The following DDX60 variants were observed in gnomAD, a reference collection of about 807,000 sequenced individuals.
The protein encoded by DDX60 is probable ATP-dependent RNA helicase DDX60.
DDX60 carries 165 observed loss-of-function variants against 212.8 expected under a neutral mutation model. That is an observed-to-expected ratio of 0.78 (90% CI 0.68 to 0.88). DDX60 has a LOEUF of 0.88. DDX60 is among the 40% of genes least tolerant of loss of function. DDX60 has a pLI of 0.00. For missense variants in DDX60, 1,905 were observed against 2,003.9 expected, an observed-to-expected ratio of 0.95 and a Z score of 0.94; for synonymous variants, 703 against 685.3, an observed-to-expected ratio of 1.03 and a Z score of -0.40.
chr4:168,232,913 T>G (rs538354117), intron 33 of DDX60, among the ~76,000 whole-genome samples: 135 of 150,614 alleles, frequency 9.0e-4, no homozygotes, highest in Non-Finnish European at 1.6e-3. Flanking sequence ...ATCAGCAGAG[T>G]AAACAGACAG....
In DDX60 at chr4:168,266,735, A is replaced by G. The variant is rs372008700; in HGVS notation, c.3039+847T>C. 3.9e-5 allele frequency among the ~76,000 whole-genome samples: 6 copies of G among 152,202 alleles called. No homozygotes were observed. The East Asian group carries it at 7.7e-4, about 20-fold the overall frequency. Reference sequence around the variant, plus strand: ...TGGTTGTCAAGCTAAGGAGGTATGCATTTAGCTTTTTCCAAAAGAAAGTCA... The same window carrying G: ...TGGTTGTCAAGCTAAGGAGGTATGCGTTTAGCTTTTTCCAAAAGAAAGTCA... On this transcript the variant is annotated intron_variant, in intron 22 of 37. Transcript: ENST00000393743.
chr4:168,316,808 C>A (rs79813981), intron 1 of DDX60, among the ~76,000 whole-genome samples: 2,622 of 151,694 alleles, frequency 0.017, 26 homozygotes, highest in Non-Finnish European at 0.027. Context: ...AAAAGAAACC[C>A]AAAACTTGGG....
Position 168,268,920 on chromosome 4 carries a change from A to T in DDX60, c.2720T>A (p.Leu907His). 6.3e-7 allele frequency: 1 copy of T among 1,598,516 alleles called. No individual in the cohort carries two copies. Among genetic ancestry groups the T allele is most frequent in the Non-Finnish European group, 8.5e-7 (1 of 1,169,946 alleles). ...CAAAAAGGGACATCGGATCATGACAAGGAGATGTTCCCAGATTTCTGCTCC... is the reference window on the plus strand; with the variant it reads ...CAAAAAGGGACATCGGATCATGACATGGAGATGTTCCCAGATTTCTGCTCC... Reference protein sequence around the residue: ...EIGAEIWEHLLVMIRCPFLAL... With the variant: ...EIGAEIWEHLHVMIRCPFLAL... The change falls in exon 20 of 38, where the codon CTT becomes CAT. Residue 907 changes from leucine to histidine, a missense_variant. Physicochemically the swap from Leu to His is moderately conservative, Grantham distance 99. Transcript: ENST00000393743.
chr4:168,235,016 C>T lies in DDX60; in HGVS notation c.4533+1236G>A, dbSNP rs575667206. On this transcript the variant is annotated intron_variant, in intron 33 of 37. Coordinates refer to ENST00000393743, the MANE Select transcript of DDX60 (RefSeq NM_017631.6). Reference sequence around the variant, plus strand: ...AAGACTGCTAAAGATCCACCTTTTTCCTATAGCACTTCCTAACCTGCTGTT... The same window carrying T: ...AAGACTGCTAAAGATCCACCTTTTTTCTATAGCACTTCCTAACCTGCTGTT... Among the ~76,000 whole-genome samples the T allele has an allele frequency of 2.6e-5, 4 of 152,108 alleles. No homozygotes were observed. The South Asian group carries it at 8.3e-4, about 32-fold the overall frequency.
intron 33 of DDX60, among the ~76,000 whole-genome samples, chr4:168,233,658 A>G (rs1220832369): frequency 6.6e-6 from 1 of 152,150 alleles, no homozygotes; most frequent in Non-Finnish European, 1.5e-5. Context: ...GAGCTAAGCT[A>G]TGAGGACACA....
intron 33 of DDX60, 83 bp from the exon 34 acceptor site, chr4:168,225,759 C>CA: frequency 7.9e-7 from 1 of 1,270,454 alleles, no homozygotes; most frequent in Admixed American, 2.4e-5. Context: ...AGGTAAAGAA[C>CA]ATTGCAATAT....
chr4:168,216,963 T>C lies in DDX60; in HGVS notation c.5109A>G (p.Thr1703=). The change falls in exon 38 of 38, where the codon ACA becomes ACG. Residue 1703 remains threonine (T), a synonymous_variant. Transcript: ENST00000393743. ...CTTTGTTTAACTTTTCCCAAAAAGT[T>C]GTACTCAGTTGTTCAAAGGCTAAGA... ...NVVLAFEQLS[T]TFWEKLNKV 2 of 1,603,556 alleles carry C rather than the reference T, an allele frequency of 1.2e-6. No individual in the cohort carries two copies. The highest frequency in any genetic ancestry group is 1.3e-5 in the African/African-American group (1 of 74,322).
Position 168,293,921 on chromosome 4 carries a change from TAAGCAGAGA to T in DDX60, c.739_747del (p.Ser247_Leu249del), listed in dbSNP as rs1360395168. 4.3e-6 allele frequency: 7 copies of T among 1,613,134 alleles called. No individual in the cohort carries two copies. The African/African-American group carries it at 8.0e-5, about 18-fold the overall frequency. The stretch of plus-strand genomic sequence containing the variant: ...TCAGATCCTTCTGGCCAGACTTGTG[TAAGCAGAGA>T]TACAGTCTTGTGTGCCTGTCAAAGA... On this transcript the variant is annotated inframe_deletion, in exon 7 of 38. Transcript: ENST00000393743.
chr4:168,273,248 G>A, intron 18 of DDX60, 31 bp downstream of exon 18: 2 of 1,600,044 alleles, frequency 1.2e-6, no homozygotes, highest in Non-Finnish European at 1.7e-6. Flanking sequence ...TATATAATTT[G>A]ATAACACACT....
Position 168,260,999 on chromosome 4 carries a change from T to A in DDX60, c.3274-10A>T, listed in dbSNP as rs1030876317. ...GAAGTACCATTCTGGCCTGTAGTGGTGAATACAAAACAATTTTAAGTTCTG... is the reference window on the plus strand; with the variant it reads ...GAAGTACCATTCTGGCCTGTAGTGGAGAATACAAAACAATTTTAAGTTCTG... On this transcript the variant is annotated splice_polypyrimidine_tract_variant and intron_variant, in intron 24 of 37. Coordinates refer to ENST00000393743, the MANE Select transcript of DDX60 (RefSeq NM_017631.6). 6.3e-7 allele frequency: 1 copy of A among 1,592,110 alleles called. No homozygotes were observed. The highest frequency in any genetic ancestry group is 8.5e-7 in the Non-Finnish European group (1 of 1,174,384).
chr4:168,242,514 G>C (rs1220543606), intron 30 of DDX60, among the ~76,000 whole-genome samples: 2 of 152,202 alleles, frequency 1.3e-5, no homozygotes, highest in African/African-American at 4.8e-5. Flanking sequence ...GGAGTCAAAG[G>C]ATATCATTTT....
chr4:168,224,241 A>G lies in DDX60; in HGVS notation c.4824+2T>C. 6.2e-7 allele frequency: 1 copy of G among 1,612,032 alleles called. No individual in the cohort carries two copies. Among genetic ancestry groups the G allele is most frequent in the Non-Finnish European group, 8.5e-7 (1 of 1,178,666 alleles). On this transcript the variant is annotated splice_donor_variant, in intron 35 of 37. Coordinates refer to ENST00000393743, the MANE Select transcript of DDX60 (RefSeq NM_017631.6). LOFTEE classifies it high-confidence loss of function. ...TATTAATAAACCCCACTCTTCACTT[A>G]CATGGTTTGGAGTTTCTAGTCGAAG...
In DDX60 at chr4:168,311,085, G is replaced by A. The variant is rs1424299852; in HGVS notation, c.5-18C>T. The stretch of plus-strand genomic sequence containing the variant: ...ATTTCTTTCTAAATTTAAAAAAAAA[G>A]AGAGAAAGAGAATGGGTTATTTTTC... On this transcript the variant is annotated intron_variant, in intron 2 of 37. Coordinates refer to ENST00000393743, the MANE Select transcript of DDX60 (RefSeq NM_017631.6). 6.7e-7 allele frequency: 1 copy of A among 1,481,788 alleles called. No homozygotes were observed. The highest frequency in any genetic ancestry group is 9.3e-7 in the Non-Finnish European group (1 of 1,071,034). The allele number at this position is 1,481,788 out of a possible 1,614,324, so 91.8% of individuals were successfully genotyped here.
intron 1 of DDX60, among the ~76,000 whole-genome samples, chr4:168,312,226 T>C (rs985755261): frequency 9.9e-5 from 15 of 152,072 alleles, no homozygotes; most frequent in African/African-American, 3.6e-4. Context: ...GGCTGGGAAT[T>C]TTAGAACAAG....
At chr4:168,324,996 C>T in the DDX60 span, among the ~76,000 whole-genome samples, 11 of 152,224 alleles carry the variant, frequency 7.2e-5, no homozygotes, top group African/African-American at 2.4e-4. Context: ...TGGTGAAATA[C>T]ACACCGAACA....
intron 9 of DDX60, 46 bp downstream of exon 9, chr4:168,288,128 G>T: frequency 8.1e-7 from 1 of 1,239,810 alleles, no homozygotes; most frequent in Non-Finnish European, 1.1e-6. Flanking sequence ...TCCTTATAAA[G>T]TTTATCTGTG....
chr4:168,233,343 C>A (rs534758129), intron 33 of DDX60, among the ~76,000 whole-genome samples: 1 of 152,176 alleles, frequency 6.6e-6, no homozygotes, highest in South Asian at 2.1e-4. Context: ...TTTGATCCAG[C>A]AATCCCACTA....
intron 17 of DDX60, 52 bp downstream of exon 17, chr4:168,273,882 T>A (rs1735210827): frequency 1.3e-6 from 2 of 1,554,820 alleles, no homozygotes; most frequent in Non-Finnish European, 1.7e-6. Context: ...TCATTATTTT[T>A]AAATAGTAGG....
In DDX60 at chr4:168,287,139, T is replaced by C; in HGVS notation, c.1248A>G (p.Ser416=). 6.2e-7 allele frequency: 1 copy of C among 1,612,130 alleles called. No individual in the cohort carries two copies. Among genetic ancestry groups the C allele is most frequent in the African/African-American group, 1.3e-5 (1 of 74,998 alleles). ...KDYEYLWNTV[S]KLVRDFEVGQ... ...CAACCTCAAAGTCTCTGACCAACTT[T>C]GATACGGTATTCCAGAGATATTCAT... is the stretch of plus-strand genomic sequence containing the variant. The change falls in exon 10 of 38, where the codon TCA becomes TCG. Residue 416 remains serine, a synonymous_variant. Coordinates refer to ENST00000393743, the MANE Select transcript of DDX60 (RefSeq NM_017631.6).
Sources: gnomAD v4.1 joint callset for allele counts (sites outside exome capture counted in the v4.1 genomes callset) on GRCh38, gnomAD v4.1.1 for gene constraint, MANE v1.5 for transcripts, NCBI Gene and HGNC (gene_info 2026-07-23, HGNC 2026-07-21) for gene names.